Variants in RCN1 observed in about 807,000 individuals in gnomAD.
The protein encoded by RCN1 is reticulocalbin 1, also known as reticulocalbin-1.
In RCN1, 14 loss-of-function variants were observed where a neutral mutation model predicts 34.7. The ratio of observed to expected loss-of-function variants is 0.40; its 90% CI spans 0.27 to 0.63. The LOEUF is 0.63. Among genes scored for constraint, RCN1 ranks in the 30% least tolerant of loss-of-function variants. RCN1 has a pLI of 0.37. For missense variants in RCN1, 326 were observed against 425.1 expected, an observed-to-expected ratio of 0.77 and a Z score of 2.05; for synonymous variants, 125 against 165.5, an observed-to-expected ratio of 0.76 and a Z score of 1.88.
intron 3 of RCN1, 136 bp from the exon 4 acceptor site, chr11:32,100,412 C>A: frequency 1.5e-6 from 1 of 680,342 alleles, no homozygotes; most frequent in African/African-American, 1.8e-5. Flanking sequence ...AAAACTAGTT[C>A]CCAGGGAAGT....
intron 3 of RCN1, among the ~76,000 whole-genome samples, chr11:32,099,949 C>T (rs1485180437): frequency 6.6e-6 from 1 of 152,186 alleles, no homozygotes; most frequent in East Asian, 1.9e-4. Context: ...CTCAGGTTGG[C>T]TCTTTGGTTT....
intron 1 of RCN1, among the ~76,000 whole-genome samples, chr11:32,096,001 C>T (rs894703133): frequency 6.6e-6 from 1 of 152,092 alleles, no homozygotes; most frequent in Non-Finnish European, 1.5e-5. Flanking sequence ...CGTGTACACC[C>T]TCCCCCACCT....
chr11:32,098,036 A>G (rs372939318), intron 2 of RCN1, among the ~76,000 whole-genome samples: 4 of 152,308 alleles, frequency 2.6e-5, no homozygotes, highest in South Asian at 2.1e-4. Flanking sequence ...GAGCCTCTGT[A>G]TGTTCCAGAT....
At chr11:32,098,564 C>G (rs1479010342) in intron 3 of RCN1, 36 bp downstream of exon 3, 1 of 1,517,110 alleles carries the variant, frequency 6.6e-7, no homozygotes, top group African/African-American at 1.4e-5. Context: ...GGGAAGAGAC[C>G]AGGGAGAAAA....
intron 4 of RCN1, chr11:32,102,828 A>T: frequency 3.1e-6 from 1 of 326,772 alleles, no homozygotes; most frequent in Non-Finnish European, 5.8e-6. Flanking sequence ...AAATCAAATG[A>T]AAACTGTGTG....
chr11:32,101,787 G>A (rs1253456006), intron 4 of RCN1, among the ~76,000 whole-genome samples: 2 of 152,198 alleles, frequency 1.3e-5, no homozygotes, highest in Admixed American at 6.5e-5. Flanking sequence ...GTCCACGTGC[G>A]AGGGTCACGT....
chr11:32,091,570 A>G lies in RCN1; in HGVS notation c.254+120A>G, dbSNP rs1002758379. On this transcript the variant is annotated intron_variant, in intron 1 of 5. Transcript: ENST00000054950. ...CGAAATCGCGCGCGCGGCCTCGAGGATGGGGCCCTGCCCAACTCGGCGCTG... is the reference window on the plus strand; with the variant it reads ...CGAAATCGCGCGCGCGGCCTCGAGGGTGGGGCCCTGCCCAACTCGGCGCTG... The G allele has an allele frequency of 4.6e-6, 6 of 1,317,958 alleles. No individual in the cohort carries two copies. The Admixed American group carries it at 1.7e-4, about 37-fold the overall frequency. 81.6% of individuals were successfully genotyped at this position (1,317,958 alleles called of 1,614,324 possible).
At position 32,103,384 on chromosome 11, in the gene RCN1, A is replaced by C. The variant is rs764029220; in HGVS notation, c.792A>C (p.Leu264Phe). The C allele has an allele frequency of 6.6e-5, 106 of 1,613,470 alleles. No individual in the cohort carries two copies. Among genetic ancestry groups the C allele is most frequent in the Non-Finnish European group, 6.8e-6 (8 of 1,179,456 alleles). ...GGGATCTGAACAAGGACGGGAAGTTAGACAAAGATGAGATTCGCCACTGGA... is the reference window on the plus strand; with the variant it reads ...GGGATCTGAACAAGGACGGGAAGTTCGACAAAGATGAGATTCGCCACTGGA... ...EFRDLNKDGKLDKDEIRHWIL... is the reference protein window; with the variant it reads ...EFRDLNKDGKFDKDEIRHWIL... The change falls in exon 5 of 6, where the codon TTA (leucine) becomes TTC (phenylalanine). Residue 264 changes from leucine (L) to phenylalanine (F), a missense_variant. Transcript: ENST00000054950.
At chr11:32,092,634 G>A (rs1308443066) in intron 1 of RCN1, among the ~76,000 whole-genome samples, 1 of 152,176 alleles carries the variant, frequency 6.6e-6, no homozygotes, top group African/African-American at 2.4e-5. Flanking sequence ...GGAAACACTT[G>A]GGCACTGTGC....
chr11:32,103,161 T>C, intron 4 of RCN1, 120 bp from the exon 5 acceptor site: 1 of 789,754 alleles, frequency 1.3e-6, no homozygotes, highest in Non-Finnish European at 2.2e-6. Flanking sequence ...CTGTTTGAGT[T>C]AGGTCTCTGG....
intron 5 of RCN1, among the ~76,000 whole-genome samples, chr11:32,104,047 C>T (rs1200978979): frequency 2.0e-5 from 3 of 152,196 alleles, no homozygotes; most frequent in Non-Finnish European, 2.9e-5. Context: ...GTTTAGGCAG[C>T]GAGGCTGTAA....
intron 1 of RCN1, among the ~76,000 whole-genome samples, chr11:32,092,734 C>T (rs1851935928): frequency 6.6e-6 from 1 of 152,026 alleles, no homozygotes. Context: ...AGCAGTCCTG[C>T]CTATTGGGCA....
chr11:32,101,484 C>T (rs888804973), intron 4 of RCN1, among the ~76,000 whole-genome samples: 2 of 152,112 alleles, frequency 1.3e-5, no homozygotes, highest in Non-Finnish European at 2.9e-5. Flanking sequence ...CATTAATTAC[C>T]TTTAAATGTA....
chr11:32,098,959 G>A (rs886275848), intron 3 of RCN1, among the ~76,000 whole-genome samples: 2 of 152,100 alleles, frequency 1.3e-5, no homozygotes, highest in Admixed American at 1.3e-4. Flanking sequence ...TCCCCTTCAC[G>A]TATGTTCCAC....
chr11:32,104,460 T>C lies in RCN1; in HGVS notation c.984T>C (p.His328=). Reference sequence around the variant, plus strand: ...ACGGGGAAGATCTCACAAAAAATCATGATGAGCTTTGATAGACACTCACCA... The same window carrying C: ...ACGGGGAAGATCTCACAAAAAATCACGATGAGCTTTGATAGACACTCACCA... ...TNYGEDLTKN[H]DEL is the part of the protein sequence containing the mutation. Residue 328 remains histidine, a synonymous_variant, in exon 6 of 6, where the codon CAT becomes CAC. Transcript: ENST00000054950. 1 of 1,453,804 alleles carries C rather than the reference T, an allele frequency of 6.9e-7. No homozygotes were observed. Among genetic ancestry groups the C allele is most frequent in the Middle Eastern group, 2.4e-4 (1 of 4,156 alleles). 90.1% of individuals were successfully genotyped at this position (1,453,804 alleles called of 1,614,324 possible).
Position 32,104,357 on chromosome 11 carries a change from T to C in RCN1, c.889-8T>C. ...TTCCATGACAGTGCTCTTTGATCTC[T>C]TCTATAGGATGAGAAGCTAACTAAA... is the stretch of plus-strand genomic sequence containing the variant. On this transcript the variant is annotated splice_polypyrimidine_tract_variant and splice_region_variant and intron_variant, in intron 5 of 5. Coordinates refer to ENST00000054950, the MANE Select transcript of RCN1 (RefSeq NM_002901.4). 1 of 1,537,902 alleles carries C rather than the reference T, an allele frequency of 6.5e-7. No homozygotes were observed. Among genetic ancestry groups the C allele is most frequent in the Non-Finnish European group, 9.0e-7 (1 of 1,110,912 alleles).
chr11:32,092,291 T>C (rs1277685550), intron 1 of RCN1, among the ~76,000 whole-genome samples: 1 of 151,694 alleles, frequency 6.6e-6, no homozygotes, highest in Non-Finnish European at 1.5e-5. Context: ...GGGGCTAGAG[T>C]GAGACTCCAT....
rs759187901 is a variant in RCN1, at chr11:32,104,478, A to T, written c.*6A>T. 1 of 1,332,896 alleles carries T rather than the reference A, an allele frequency of 7.5e-7. No homozygotes were observed. The highest frequency in any genetic ancestry group is 1.1e-6 in the Non-Finnish European group (1 of 926,578). 82.6% of individuals were successfully genotyped at this position (1,332,896 alleles called of 1,614,324 possible). A position where few individuals can be genotyped will look rare whatever the true frequency, so the allele number is the denominator to read the frequency against. On this transcript the variant is annotated 3_prime_UTR_variant, in exon 6 of 6. Transcript: ENST00000054950. Reference sequence around the variant, plus strand: ...AAAATCATGATGAGCTTTGATAGACACTCACCAGAATATGGCAGACTGTCA... The same window carrying T: ...AAAATCATGATGAGCTTTGATAGACTCTCACCAGAATATGGCAGACTGTCA...
intron 1 of RCN1, chr11:32,091,804 A>G: frequency 3.4e-6 from 1 of 292,242 alleles, no homozygotes; most frequent in Non-Finnish European, 6.3e-6. Flanking sequence ...GTGGCCTGTT[A>G]GTGCCATGAG....
Sources: gnomAD v4.1 joint callset for allele counts (sites outside exome capture counted in the v4.1 genomes callset) on GRCh38, gnomAD v4.1.1 for gene constraint, MANE v1.5 for transcripts, NCBI Gene and HGNC (gene_info 2026-07-23, HGNC 2026-07-21) for gene names.